Variants in NRAP observed in about 807,000 individuals in gnomAD.
NRAP encodes the protein nebulin-related-anchoring protein.
Under a neutral mutation model 225.9 loss-of-function variants are expected in NRAP, and 189 were observed. That is an observed-to-expected ratio of 0.84 (90% CI 0.74 to 0.94). The LOEUF (loss-of-function observed/expected upper bound fraction) is 0.94. Ranked by LOEUF, NRAP falls within the 40% of genes least tolerant of loss-of-function variation. The pLI is 0.00. For synonymous variants in NRAP, 769 were observed against 790.7 expected, an observed-to-expected ratio of 0.97 and a Z score of 0.46; for missense variants, 2,176 against 2,168.7, an observed-to-expected ratio of 1.00 and a Z score of -0.07.
chr10:113,620,558 A>G, intron 25 of NRAP, 46 bp downstream of exon 25: 1 of 1,194,202 alleles, frequency 8.4e-7, no homozygotes, highest in Non-Finnish European at 1.3e-6. Context: ...GAGACGCCGC[A>G]CGCCTAATGC....
intron 26 of NRAP, among the ~76,000 whole-genome samples, chr10:113,616,719 A>T (rs1847685139): frequency 6.6e-6 from 1 of 152,164 alleles, no homozygotes; most frequent in Non-Finnish European, 1.5e-5. Flanking sequence ...CTATGCCCCC[A>T]AGGTTTGTAA....
chr10:113,657,384 C>G (rs1332285012), intron 4 of NRAP, 86 bp downstream of exon 4: 5 of 754,802 alleles, frequency 6.6e-6, no homozygotes, highest in Non-Finnish European at 1.1e-5. Flanking sequence ...ACTTGGTTTT[C>G]TCTAGAAGTA....
intron 9 of NRAP, among the ~76,000 whole-genome samples, chr10:113,648,343 A>C (rs905123555): frequency 2.6e-5 from 4 of 151,542 alleles, no homozygotes; most frequent in Non-Finnish European, 5.9e-5. Flanking sequence ...AAAAAGGTTA[A>C]GTTTTTTTAA....
At position 113,624,948 on chromosome 10, in the gene NRAP, T is replaced by C. The variant is rs375703721; in HGVS notation, c.2245-18A>G. On this transcript the variant is annotated intron_variant, in intron 21 of 41. Coordinates refer to ENST00000359988, the MANE Select transcript of NRAP (RefSeq NM_198060.4). Reference sequence around the variant, plus strand: ...TAGGCCACCTGTTGGGAAAGAGCACTGAGTCAGGAGCAGGTGGCAAGGGCG... The same window carrying C: ...TAGGCCACCTGTTGGGAAAGAGCACCGAGTCAGGAGCAGGTGGCAAGGGCG... 7.7e-6 allele frequency: 12 copies of C among 1,563,362 alleles called. No homozygotes were observed. Among genetic ancestry groups the C allele is most frequent in the Non-Finnish European group, 8.8e-6 (10 of 1,134,076 alleles).
At chr10:113,656,826 G>A (rs1199176258) in intron 4 of NRAP, among the ~76,000 whole-genome samples, 1 of 152,224 alleles carries the variant, frequency 6.6e-6, no homozygotes, top group South Asian at 2.1e-4. Context: ...CAAGATTGAC[G>A]AGAGTGGGTA....
intron 5 of NRAP, among the ~76,000 whole-genome samples, chr10:113,653,648 G>T (rs1252982335): frequency 2.0e-5 from 3 of 152,154 alleles, no homozygotes; most frequent in Non-Finnish European, 4.4e-5. Context: ...TCCACAGTCT[G>T]GGCTAAAACT....
intron 9 of NRAP, among the ~76,000 whole-genome samples, chr10:113,648,182 C>T (rs1849695206): frequency 6.6e-6 from 1 of 152,204 alleles, no homozygotes; most frequent in African/African-American, 2.4e-5. Context: ...AGCACCAGGG[C>T]TTTGACTGTG....
At chr10:113,631,365 A>G (rs1230221371) in intron 18 of NRAP, 144 bp downstream of exon 18, 1 of 589,528 alleles carries the variant, frequency 1.7e-6, no homozygotes, top group East Asian at 2.8e-5. Context: ...TAAACCAAAC[A>G]AACTTCTTAT....
intron 12 of NRAP, among the ~76,000 whole-genome samples, chr10:113,642,093 T>C (rs1460637849): frequency 1.3e-5 from 2 of 152,166 alleles, no homozygotes; most frequent in Non-Finnish European, 2.9e-5. Flanking sequence ...GGCCATTGCA[T>C]TTCTCGGTAC....
chr10:113,651,778 T>G (rs1377608343), intron 7 of NRAP, 25 bp downstream of exon 7: 2 of 1,445,840 alleles, frequency 1.4e-6, no homozygotes, highest in Admixed American at 3.4e-5. Context: ...CCATCAGTGA[T>G]GGACTGGCCT....
Position 113,650,491 on chromosome 10 carries a change from T to C in NRAP, c.730A>G (p.Met244Val), listed in dbSNP as rs561410897. The change falls in exon 8 of 42, where the codon ATG becomes GTG. Residue 244 changes from methionine (M) to valine (V), a missense_variant. Transcript: ENST00000359988. ...GCTATCTGATAGGCGGGTGTGATCA[T>C]CGCAGGGAAACTGCCTTTCCCTCTT... Reference protein sequence around the residue: ...QQRGKGSFPAMITPAYQIAKR... With the variant: ...QQRGKGSFPAVITPAYQIAKR... 6.8e-6 allele frequency: 11 copies of C among 1,614,006 alleles called. No individual in the cohort carries two copies. The highest frequency in any genetic ancestry group is 1.7e-5 in the Admixed American group (1 of 60,026).
chr10:113,590,361 G>T (rs905239322), intron 40 of NRAP, among the ~76,000 whole-genome samples: 1 of 152,202 alleles, frequency 6.6e-6, no homozygotes, highest in Non-Finnish European at 1.5e-5. Context: ...ATGGCAGGAG[G>T]CTTGGAAAGC....
At chr10:113,644,717 C>T (rs190520862) in intron 11 of NRAP, among the ~76,000 whole-genome samples, 5 of 152,272 alleles carry the variant, frequency 3.3e-5, no homozygotes, top group African/African-American at 9.6e-5. Context: ...CTCAGAGCAG[C>T]CCCAAGTTAG....
intron 14 of NRAP, among the ~76,000 whole-genome samples, chr10:113,639,477 T>A (rs3121461): frequency 0.55 from 84,105 of 151,880 alleles, 24,509 homozygotes; most frequent in East Asian, 0.73. Context: ...AGCACTTGAC[T>A]TTCATAAATA....
intron 3 of NRAP, among the ~76,000 whole-genome samples, chr10:113,658,847 A>ACTCCAGC (rs1197731720): frequency 2.7e-5 from 4 of 149,348 alleles, no homozygotes; most frequent in African/African-American, 9.9e-5. Context: ...ACACCACTGC[A>ACTCCAGC]CTCCAGCCTG....
In NRAP at chr10:113,657,539, T is replaced by A; in HGVS notation, c.291A>T (p.Ser97=). The A allele has an allele frequency of 6.2e-7, 1 of 1,601,244 alleles. No individual in the cohort carries two copies. Among genetic ancestry groups the A allele is most frequent in the Non-Finnish European group, 8.6e-7 (1 of 1,168,266 alleles). Residue 97 remains serine, a synonymous_variant, in exon 4 of 42, where the codon TCA becomes TCT. Coordinates refer to ENST00000359988, the MANE Select transcript of NRAP (RefSeq NM_198060.4). ...TGGATTTCATGTCCCAGTGAAAAACTGATTTACACTGTTCACCATCTTCTT... is the reference window on the plus strand; with the variant it reads ...TGGATTTCATGTCCCAGTGAAAAACAGATTTACACTGTTCACCATCTTCTT... The part of the protein sequence containing the change: ...HDQEDGEQCK[S]VFHWDMKSKD...
chr10:113,642,898 C>T (rs1369827222), intron 12 of NRAP, 36 bp downstream of exon 12: 1 of 1,080,674 alleles, frequency 9.3e-7, no homozygotes, highest in South Asian at 1.2e-5. Flanking sequence ...AGCTCACCAA[C>T]AGTGCCCAAA....
chr10:113,610,069 G>A lies in NRAP; in HGVS notation c.3603+390C>T, dbSNP rs139490562. 5.6e-3 allele frequency among the ~76,000 whole-genome samples: 858 copies of A among 152,246 alleles called. 14 individuals are homozygous for A. The highest frequency in any genetic ancestry group is 0.019 in the African/African-American group (807 of 41,538). ...TTAGTGGTAAGAAACAAACTGATTG[G>A]CTGGGCGCAGTGGCTCACGCCTGTA... On this transcript the variant is annotated intron_variant, in intron 31 of 41. Coordinates refer to ENST00000359988, the MANE Select transcript of NRAP (RefSeq NM_198060.4).
In NRAP at chr10:113,663,936, A is replaced by C. The variant is rs3127124; in HGVS notation, c.-54T>G. ...TAGGCAACAGGCAAGAAATGCAAGG[A>C]GAACCCCCAGTCTAGTTCAAGTCTT... On this transcript the variant is annotated 5_prime_UTR_variant, in exon 1 of 42. Transcript: ENST00000359988. The C allele has an allele frequency of 0.19, 259,668 of 1,333,140 alleles. 27,770 individuals are homozygous for C. Among genetic ancestry groups the C allele is most frequent in the Admixed American group, 0.37 (21,721 of 59,392 alleles). 82.6% of individuals were successfully genotyped at this position (1,333,140 alleles called of 1,614,324 possible).
Sources: gnomAD v4.1 joint callset for allele counts (sites outside exome capture counted in the v4.1 genomes callset) on GRCh38, gnomAD v4.1.1 for gene constraint, MANE v1.5 for transcripts, NCBI Gene and HGNC (gene_info 2026-07-23, HGNC 2026-07-21) for gene names.